EPHB2: variants seen among roughly 807,000 people sequenced by gnomAD.
EPHB2 encodes ephrin type-B receptor 2.
Under a neutral mutation model 96.4 loss-of-function variants are expected in EPHB2, and 18 were observed. That is an observed-to-expected ratio of 0.19 (90% CI 0.13 to 0.28). The LOEUF (loss-of-function observed/expected upper bound fraction) is 0.28, where lower values mean the gene tolerates loss of function less well. EPHB2 is among the 10% of genes least tolerant of loss of function. EPHB2 has a pLI of 1.00. For missense variants in EPHB2, 989 were observed against 1,355.4 expected, an observed-to-expected ratio of 0.73 and a Z score of 4.25; for synonymous variants, 506 against 534.1, an observed-to-expected ratio of 0.95 and a Z score of 0.72.
chr1:22,892,220 C>G (rs1639412748), intron 6 of EPHB2, among the ~76,000 whole-genome samples: 1 of 152,160 alleles, frequency 6.6e-6, no homozygotes, highest in Non-Finnish European at 1.5e-5. Context: ...ACGCTTAACT[C>G]ATCAAGGCAT....
intron 1 of EPHB2, among the ~76,000 whole-genome samples, chr1:22,759,895 A>C (rs1457398776): frequency 6.6e-6 from 1 of 152,188 alleles, no homozygotes; most frequent in Non-Finnish European, 1.5e-5. Flanking sequence ...GGCTAACAGC[A>C]GGCCTGCATG....
intron 1 of EPHB2, among the ~76,000 whole-genome samples, chr1:22,734,249 C>T (rs1643777078): frequency 6.6e-6 from 1 of 152,158 alleles, no homozygotes; most frequent in South Asian, 2.1e-4. Context: ...CCCCCCGGCA[C>T]AGCCCATGCA....
At chr1:22,778,281 A>T (rs1046866214) in intron 1 of EPHB2, among the ~76,000 whole-genome samples, 1 of 152,058 alleles carries the variant, frequency 6.6e-6, no homozygotes, top group African/African-American at 2.4e-5. Flanking sequence ...CCCCCTCAAA[A>T]GGTCCATTTG....
chr1:22,877,265 G>A (rs543855716), intron 5 of EPHB2, among the ~76,000 whole-genome samples: 125 of 152,336 alleles, frequency 8.2e-4, no homozygotes, highest in Non-Finnish European at 1.3e-3. Context: ...ACTTCCGTGC[G>A]TCCATGTCCT....
At chr1:22,775,275 C>A (rs778390024) in intron 1 of EPHB2, 1 of 779,576 alleles carries the variant, frequency 1.3e-6, no homozygotes, top group Non-Finnish European at 2.4e-6. Context: ...TCAGTTTCCT[C>A]GTCTGTGAAA....
chr1:22,808,448 G>A (rs139295274), intron 3 of EPHB2, among the ~76,000 whole-genome samples: 1,570 of 152,342 alleles, frequency 0.01, 16 homozygotes, highest in South Asian at 0.018. Context: ...CCGGGCACAG[G>A]GCAGACATAC....
At chr1:22,806,701 G>A (rs978132382) in intron 3 of EPHB2, among the ~76,000 whole-genome samples, 5 of 152,282 alleles carry the variant, frequency 3.3e-5, no homozygotes, top group East Asian at 1.9e-4. Flanking sequence ...GGACAAAGCC[G>A]AGGGCGCGCC....
chr1:22,805,244 C>T (rs1163317489), intron 3 of EPHB2, among the ~76,000 whole-genome samples: 1 of 152,164 alleles, frequency 6.6e-6, no homozygotes, highest in Non-Finnish European at 1.5e-5. Context: ...AAAATGGATT[C>T]TAAAGGGACA....
intron 8 of EPHB2, among the ~76,000 whole-genome samples, 170 bp from the exon 9 acceptor site, chr1:22,896,244 G>C (rs964097820): frequency 7.9e-5 from 12 of 152,160 alleles, no homozygotes; most frequent in African/African-American, 2.9e-4. Flanking sequence ...ACCTGGACTT[G>C]AGGTGGGAGG....
In EPHB2 at chr1:22,860,316, A is replaced by AC. The variant is rs1420012398; in HGVS notation, c.812-2719dup. 6.6e-6 allele frequency among the ~76,000 whole-genome samples: 1 copy of AC among 152,022 alleles called. No individual in the cohort carries two copies. Among genetic ancestry groups the AC allele is most frequent in the Non-Finnish European group, 1.5e-5 (1 of 68,002 alleles). The stretch of plus-strand genomic sequence containing the variant: ...GACCAGAGACTGCTGAGGAGGGAAG[A>AC]CCTAGTAATTGATTGGCTGTGGGGG... On this transcript the variant is annotated intron_variant, in intron 3 of 15. Transcript: ENST00000374630. The surrounding 1 kb of genome is among the most constrained non-coding windows in gnomAD (Gnocchi z 4.6).
intron 3 of EPHB2, among the ~76,000 whole-genome samples, chr1:22,837,649 T>G (rs996639204): frequency 2.0e-5 from 3 of 152,186 alleles, no homozygotes; most frequent in Admixed American, 2.0e-4. Context: ...TGTTTCCAGA[T>G]CATCCCTGTC....
intron 3 of EPHB2, among the ~76,000 whole-genome samples, chr1:22,825,053 A>G (rs1645204687): frequency 6.6e-6 from 1 of 152,252 alleles, no homozygotes; most frequent in South Asian, 2.1e-4. Flanking sequence ...ATAGGTCAGG[A>G]GCATAGTCTG....
rs71878649 is a variant in EPHB2, at chr1:22,735,438, C to CAA, written c.61+24407_61+24408dup. On this transcript the variant is annotated intron_variant, in intron 1 of 15. Transcript: ENST00000374630. ...TAAACAACAGAGTGAGACCCGGTAT[C>CAA]AAAAAAAAAAAAAGAAGAAGAAGAA... Among the ~76,000 whole-genome samples the CAA allele has an allele frequency of 5.1e-3, 703 of 138,094 alleles. 20 individuals carry two copies. The East Asian group carries it at 0.077, about 15-fold the overall frequency. 90.6% of individuals were successfully genotyped at this position (138,094 alleles called of 152,430 possible).
chr1:22,866,568 G>A (rs531624976), intron 5 of EPHB2, among the ~76,000 whole-genome samples: 2 of 152,212 alleles, frequency 1.3e-5, no homozygotes, highest in East Asian at 3.9e-4. Flanking sequence ...CCAGCCAGTA[G>A]AATGTTGAAG....
At chr1:22,820,521 G>C (rs1645138549) in intron 3 of EPHB2, among the ~76,000 whole-genome samples, 1 of 151,774 alleles carries the variant, frequency 6.6e-6, no homozygotes, top group Non-Finnish European at 1.5e-5. Context: ...AAATTAGCCG[G>C]GTGTGGTGGT....
chr1:22,759,321 G>A (rs1644202087), intron 1 of EPHB2, among the ~76,000 whole-genome samples: 1 of 152,022 alleles, frequency 6.6e-6, no homozygotes, highest in Non-Finnish European at 1.5e-5. Context: ...TACTGCTCAG[G>A]TGCTCCCTGT....
Position 22,906,031 on chromosome 1 carries a change from G to T in EPHB2, c.1810G>T (p.Asp604Tyr). ...CTACATCGATCCTTTCACCTACGAG[G>T]ACCCCAACGAGGCAGTGCGGGAGTT... ...KIYIDPFTYEDPNEAVREFAK... is the reference protein window; with the variant it reads ...KIYIDPFTYEYPNEAVREFAK... The change falls in exon 10 of 16, where the codon GAC becomes TAC. Residue 604 changes from aspartate to tyrosine, a missense_variant. Transcript: ENST00000374630. The surrounding 1 kb of genome is among the most constrained non-coding windows in gnomAD (Gnocchi z 4.8). The T allele has an allele frequency of 6.2e-7, 1 of 1,614,198 alleles. No individual in the cohort carries two copies. Among genetic ancestry groups the T allele is most frequent in the Non-Finnish European group, 8.5e-7 (1 of 1,180,044 alleles).
chr1:22,834,347 T>C (rs1337538515), intron 3 of EPHB2, among the ~76,000 whole-genome samples: 2 of 152,126 alleles, frequency 1.3e-5, no homozygotes, highest in Non-Finnish European at 2.9e-5. Flanking sequence ...CATCCAGATA[T>C]GAGAGGGGGT....
In EPHB2 at chr1:22,910,569, C is replaced by T. The variant is rs1482826393; in HGVS notation, c.2690C>T (p.Ser897Phe). 2 of 1,592,978 alleles carry T rather than the reference C, an allele frequency of 1.3e-6. No individual in the cohort carries two copies. Among genetic ancestry groups the T allele is most frequent in the South Asian group, 1.1e-5 (1 of 91,024 alleles). ...PNSLKAMAPLSSGINLPLLDR... is the reference protein window; with the variant it reads ...PNSLKAMAPLFSGINLPLLDR... ...AGCCTCAAAGCCATGGCGCCCCTCT[C>T]CTCTGGGTAAGGCCCCACCCTGGCC... is the stretch of plus-strand genomic sequence containing the variant. Residue 897 changes from serine to phenylalanine, a missense_variant, in exon 14 of 16, where the codon TCC becomes TTC. Physicochemically the swap from Ser to Phe is radical, Grantham distance 155. Transcript: ENST00000374630.
Sources: allele counts gnomAD v4.1 joint callset (sites outside exome capture counted in the v4.1 genomes callset), GRCh38; gene constraint gnomAD v4.1.1; non-coding constraint Gnocchi (gnomAD v3.1); transcripts MANE v1.5; gene names NCBI Gene and HGNC (gene_info 2026-07-23, HGNC 2026-07-21).